The following SPIDR variants were observed in gnomAD, a reference collection of about 807,000 sequenced individuals.
SPIDR encodes the protein DNA repair-scaffolding protein.
A neutral mutation model predicts 104.6 loss-of-function variants in SPIDR; 93 were observed. The ratio of observed to expected loss-of-function variants is 0.89; its 90% CI spans 0.75 to 1.06. The LOEUF is 1.06. SPIDR is among the 50% of genes least tolerant of loss of function. The pLI is 0.00. For synonymous variants in SPIDR, 431 were observed against 416.9 expected, an observed-to-expected ratio of 1.03 and a Z score of -0.41; for missense variants, 1,154 against 1,111.2, an observed-to-expected ratio of 1.04 and a Z score of -0.55.
intron 5 of SPIDR, among the ~76,000 whole-genome samples, chr8:47,393,635 C>A (rs1554654034): frequency 6.6e-6 from 1 of 151,174 alleles, no homozygotes; most frequent in Non-Finnish European, 1.5e-5. Flanking sequence ...CTTTTTTTTT[C>A]TTTTCTTTTC....
chr8:47,403,477 TCC>T, intron 6 of SPIDR, among the ~76,000 whole-genome samples: 1 of 152,304 alleles, frequency 6.6e-6, no homozygotes, highest in South Asian at 2.1e-4. Context: ...GCCCAAAATC[TCC>T]TTAAGCTGAT....
At chr8:47,487,655 C>A (rs1345663849) in intron 8 of SPIDR, among the ~76,000 whole-genome samples, 3 of 152,184 alleles carry the variant, frequency 2.0e-5, no homozygotes, top group South Asian at 2.1e-4. Flanking sequence ...AACAAACTGT[C>A]TCTCAGACCA....
chr8:47,526,813 T>TA (rs1320205944), intron 8 of SPIDR, among the ~76,000 whole-genome samples: 1 of 152,202 alleles, frequency 6.6e-6, no homozygotes, highest in Non-Finnish European at 1.5e-5. Context: ...TTGAACAAAC[T>TA]AAAAATCAAT....
intron 5 of SPIDR, among the ~76,000 whole-genome samples, chr8:47,384,853 C>A (rs2059708588): frequency 6.6e-6 from 1 of 152,112 alleles, no homozygotes; most frequent in African/African-American, 2.4e-5. Context: ...TTATTTATTT[C>A]TTGTTCTGCT....
chr8:47,538,405 G>A (rs1469612140), intron 8 of SPIDR, among the ~76,000 whole-genome samples: 3 of 151,952 alleles, frequency 2.0e-5, no homozygotes, highest in South Asian at 2.1e-4. Context: ...TAGCTAGGGT[G>A]TGGTGGTAGG....
upstream of SPIDR, chr8:47,260,925 G>GAGGAGGCGGTGCGCTC: frequency 2.5e-6 from 3 of 1,223,614 alleles, no homozygotes; most frequent in Non-Finnish European, 3.1e-6. Flanking sequence ...GCGGCGCGCT[G>GAGGAGGCGGTGCGCTC]AGGAGGCGGT....
At chr8:47,658,975 C>T (rs1327369080) in intron 10 of SPIDR, among the ~76,000 whole-genome samples, 3 of 151,536 alleles carry the variant, frequency 2.0e-5, no homozygotes, top group Non-Finnish European at 2.9e-5. Context: ...AGACTCTTCT[C>T]AGCGCCGCAC....
chr8:47,484,827 G>A (rs182532618), intron 8 of SPIDR, among the ~76,000 whole-genome samples: 1 of 152,306 alleles, frequency 6.6e-6, no homozygotes, highest in Admixed American at 6.5e-5. Context: ...CGTTCAAAGG[G>A]AATGGCTGTG....
chr8:47,319,184 G>T (rs535611374), intron 5 of SPIDR, among the ~76,000 whole-genome samples: 8 of 152,040 alleles, frequency 5.3e-5, no homozygotes, highest in East Asian at 1.9e-4. Flanking sequence ...ATCAGTGTGC[G>T]GTATTCAGGA....
At chr8:47,482,472 C>A (rs1554727872) in intron 8 of SPIDR, among the ~76,000 whole-genome samples, 2 of 152,144 alleles carry the variant, frequency 1.3e-5, no homozygotes, top group Non-Finnish European at 2.9e-5. Context: ...CTAGATGAGA[C>A]CATCTCTAGC....
chr8:47,355,635 C>A (rs2054393621), intron 5 of SPIDR, among the ~76,000 whole-genome samples: 1 of 152,116 alleles, frequency 6.6e-6, no homozygotes, highest in Non-Finnish European at 1.5e-5. Flanking sequence ...TATATTATAA[C>A]CATTCCTTTG....
At chr8:47,544,925 A>C (rs1401525246) in intron 8 of SPIDR, among the ~76,000 whole-genome samples, 2 of 152,334 alleles carry the variant, frequency 1.3e-5, no homozygotes, top group East Asian at 3.9e-4. Flanking sequence ...ATTATATGAC[A>C]TAATGAAGTC....
At chr8:47,566,928 G>A (rs1413717346) in intron 8 of SPIDR, among the ~76,000 whole-genome samples, 1 of 152,206 alleles carries the variant, frequency 6.6e-6, no homozygotes, top group Non-Finnish European at 1.5e-5. Flanking sequence ...TTAATGTGTG[G>A]TTCTGGGAAG....
chr8:47,508,548 C>T (rs77621436), intron 8 of SPIDR, among the ~76,000 whole-genome samples: 98 of 152,284 alleles, frequency 6.4e-4, no homozygotes, highest in Middle Eastern at 3.4e-3. Flanking sequence ...TTTTGCAGTT[C>T]CTCTAAAAGA....
At chr8:47,437,150 T>G (rs534108538) in intron 7 of SPIDR, among the ~76,000 whole-genome samples, 1 of 152,236 alleles carries the variant, frequency 6.6e-6, no homozygotes, top group African/African-American at 2.4e-5. Flanking sequence ...TTGTGCAGGT[T>G]AGTTACATAT....
At chr8:47,676,980 C>T (rs189494142) in intron 11 of SPIDR, among the ~76,000 whole-genome samples, 6 of 152,292 alleles carry the variant, frequency 3.9e-5, no homozygotes, top group Non-Finnish European at 8.8e-5. Flanking sequence ...GTGTCTATGT[C>T]GACTGGTCAG....
chr8:47,278,813 T>G (rs1249345437), intron 1 of SPIDR, among the ~76,000 whole-genome samples: 2 of 152,184 alleles, frequency 1.3e-5, no homozygotes, highest in Admixed American at 6.6e-5. Flanking sequence ...CATTTAGCTT[T>G]TATACCTTCC....
At chr8:47,599,308 G>C (rs370585708) in intron 10 of SPIDR, 112 bp downstream of exon 10, 1 of 1,399,912 alleles carries the variant, frequency 7.1e-7, no homozygotes, top group Non-Finnish European at 9.5e-7. Context: ...CACCATATAC[G>C]TGAGCTGTTT....
At chr8:47,660,037 A>C (rs949166498) in intron 10 of SPIDR, among the ~76,000 whole-genome samples, 3 of 152,240 alleles carry the variant, frequency 2.0e-5, no homozygotes, top group Non-Finnish European at 4.4e-5. Flanking sequence ...GTAGCTATGA[A>C]ACTGAGCCAG....
Sources: gnomAD v4.1 joint callset for allele counts (sites outside exome capture counted in the v4.1 genomes callset) on GRCh38, gnomAD v4.1.1 for gene constraint, MANE v1.5 for transcripts, NCBI Gene and HGNC (gene_info 2026-07-23, HGNC 2026-07-21) for gene names.